TBL1X: variants seen among roughly 807,000 people sequenced by gnomAD.
TBL1X encodes F-box-like/WD repeat-containing protein TBL1X.
Under a neutral mutation model 50.7 loss-of-function variants are expected in TBL1X, and 10 were observed. That is an observed-to-expected ratio of 0.20 (90% CI 0.12 to 0.33). The LOEUF (loss-of-function observed/expected upper bound fraction) is 0.33, where lower values mean the gene tolerates loss of function less well. Among genes scored for constraint, TBL1X ranks in the 10% least tolerant of loss-of-function variants. The pLI is 1.00. For missense variants in TBL1X, 340 were observed against 504.4 expected, an observed-to-expected ratio of 0.67 and a Z score of 3.12; for synonymous variants, 190 against 214.7, an observed-to-expected ratio of 0.88 and a Z score of 1.01.
chrX:9,577,723 G>A (rs1336215801), intron 2 of TBL1X, among the ~76,000 whole-genome samples: 1 of 112,233 alleles, frequency 8.9e-6, no homozygotes, highest in Non-Finnish European at 1.9e-5. Flanking sequence ...GATGTGGACA[G>A]CACAGACCCA....
chrX:9,561,102 T>A (rs1463299652), intron 2 of TBL1X, among the ~76,000 whole-genome samples: 1 of 111,263 alleles, frequency 9.0e-6, no homozygotes, highest in Non-Finnish European at 1.9e-5. Context: ...TAGAACAGAA[T>A]TCCCAATGAC....
At chrX:9,659,070 C>CT (rs1339999468) in intron 5 of TBL1X, among the ~76,000 whole-genome samples, 1 of 111,148 alleles carries the variant, frequency 9.0e-6, no homozygotes, top group African/African-American at 3.3e-5. Flanking sequence ...AGAGATCCTC[C>CT]CCCCCGGCCT....
At chrX:9,677,418 T>C (rs1253929725) in intron 5 of TBL1X, among the ~76,000 whole-genome samples, 1 of 109,425 alleles carries the variant, frequency 9.1e-6, no homozygotes, top group Non-Finnish European at 1.9e-5. Context: ...GGCTGTTTGG[T>C]ATCCATTGAT....
At chrX:9,569,450 G>A (rs946456790) in intron 2 of TBL1X, among the ~76,000 whole-genome samples, 2 of 112,180 alleles carry the variant, frequency 1.8e-5, no homozygotes, top group Middle Eastern at 4.2e-3. Flanking sequence ...TGCTGTGTGT[G>A]TGTTACATGT....
At chrX:9,557,318 G>A (rs1372357108) in intron 2 of TBL1X, among the ~76,000 whole-genome samples, 2 of 112,381 alleles carry the variant, frequency 1.8e-5, no homozygotes, top group East Asian at 2.8e-4. Context: ...TTCGAATGAC[G>A]AGATGAGATC....
rs1364487154 is a variant in TBL1X at position 9,688,256 on chromosome X, G to T, written c.597G>T (p.Glu199Asp). 18 of 1,188,603 alleles carry T rather than the reference G, an allele frequency of 1.5e-5. No homozygotes were observed. The highest frequency in any genetic ancestry group is 1.9e-5 in the Non-Finnish European group (17 of 882,975). The change falls in exon 7 of 18, where the codon GAG (glutamate) becomes GAT (aspartate). Residue 199 changes from glutamate (E) to aspartate (D), a missense_variant. Glu to Asp is a conservative substitution (Grantham distance 45). Transcript: ENST00000645353. ...KNREATVNGE[E>D]NRAHSVNNHA... The stretch of plus-strand genomic sequence containing the variant: ...GAGAGGCCACGGTGAATGGGGAAGA[G>T]AACAGAGCACATTCAGTCAGTGAGT...
chrX:9,467,557 A>C (rs184530456), intron 1 of TBL1X, among the ~76,000 whole-genome samples: 47 of 112,189 alleles, frequency 4.2e-4, no homozygotes, highest in African/African-American at 1.5e-3. Context: ...ATCTTTCACT[A>C]CCACATGCAT....
intron 1 of TBL1X, among the ~76,000 whole-genome samples, chrX:9,474,915 C>G (rs1222625477): frequency 1.8e-5 from 2 of 112,687 alleles, no homozygotes; most frequent in African/African-American, 6.4e-5. Flanking sequence ...ACTCTGTCGC[C>G]TAGGCTAGAG....
intron 2 of TBL1X, among the ~76,000 whole-genome samples, chrX:9,526,169 A>AAG (rs201317448): frequency 9.4e-6 from 1 of 106,830 alleles, no homozygotes; most frequent in Admixed American, 1.0e-4. Flanking sequence ...AGAGAGAGAA[A>AAG]AGAGAGAGAG....
chrX:9,673,378 G>C (rs2082971740), intron 5 of TBL1X, among the ~76,000 whole-genome samples: 1 of 111,653 alleles, frequency 9.0e-6, no homozygotes, highest in Non-Finnish European at 1.9e-5. Flanking sequence ...TCAAGCACTT[G>C]CTGTGTGCCA....
chrX:9,695,483 C>T (rs1026736637), intron 11 of TBL1X, among the ~76,000 whole-genome samples: 13 of 112,702 alleles, frequency 1.2e-4, no homozygotes, highest in African/African-American at 4.2e-4. Context: ...AACATGCATA[C>T]GCAGCACTTT....
At chrX:9,667,850 T>C (rs2146613297) in intron 5 of TBL1X, among the ~76,000 whole-genome samples, 1 of 111,922 alleles carries the variant, frequency 8.9e-6, no homozygotes, top group South Asian at 3.7e-4. Context: ...AATGAATGAC[T>C]TAGGTATGGT....
intron 16 of TBL1X, among the ~76,000 whole-genome samples, chrX:9,713,163 G>A (rs776130328): frequency 1.8e-5 from 2 of 111,201 alleles, no homozygotes; most frequent in African/African-American, 6.5e-5. Context: ...GAAGGGAAAT[G>A]GTGGACCCTG....
intron 11 of TBL1X, among the ~76,000 whole-genome samples, chrX:9,694,959 C>CAAAT (rs58923242): frequency 0.2 from 19,862 of 100,123 alleles, 1,829 homozygotes; most frequent in Middle Eastern, 0.31. Context: ...AACTTCATCT[C>CAAAT]AAATAAATAA....
chrX:9,653,849 C>T (rs749144117), intron 4 of TBL1X, among the ~76,000 whole-genome samples, 160 bp downstream of exon 4: 73 of 111,900 alleles, frequency 6.5e-4, no homozygotes, highest in African/African-American at 2.0e-3. Flanking sequence ...CCATTCCTGC[C>T]GCTTATGGGG....
intron 1 of TBL1X, among the ~76,000 whole-genome samples, chrX:9,475,405 C>T (rs992314991): frequency 2.7e-5 from 3 of 110,175 alleles, no homozygotes; most frequent in Non-Finnish European, 5.7e-5. Flanking sequence ...ACCACCACGC[C>T]TGGCTAATTG....
chrX:9,715,314 G>A (rs2521579), intron 17 of TBL1X, among the ~76,000 whole-genome samples: 18,318 of 111,572 alleles, frequency 0.16, 1,341 homozygotes, highest in Middle Eastern at 0.34. Context: ...GTCATGTGTC[G>A]CTTAATGACG....
At chrX:9,701,321 C>T (rs1205266095) in intron 12 of TBL1X, among the ~76,000 whole-genome samples, 1 of 109,890 alleles carries the variant, frequency 9.1e-6, no homozygotes, top group African/African-American at 3.3e-5. Context: ...CCAAACTGGC[C>T]TATGCATGGG....
intron 2 of TBL1X, among the ~76,000 whole-genome samples, chrX:9,599,352 C>G (rs2082542888): frequency 8.9e-6 from 1 of 112,369 alleles, no homozygotes; most frequent in Non-Finnish European, 1.9e-5. Flanking sequence ...CTCCCAGGTA[C>G]TAGGTGTTAG....
Sources: gnomAD v4.1 joint callset for allele counts (sites outside exome capture counted in the v4.1 genomes callset) on GRCh38, gnomAD v4.1.1 for gene constraint, MANE v1.5 for transcripts, NCBI Gene and HGNC (gene_info 2026-07-23, HGNC 2026-07-21) for gene names.